Variants in CSTF1 observed in about 807,000 individuals in gnomAD.
CSTF1 encodes the protein CF-1 50 kDa subunit.
In CSTF1, 2 loss-of-function variants were observed where a neutral mutation model predicts 40.9. That is an observed-to-expected ratio of 0.05 (90% CI 0.02 to 0.15). CSTF1 has a LOEUF of 0.15. Ranked by LOEUF, CSTF1 falls within the 10% of genes least tolerant of loss-of-function variation. The probability of loss-of-function intolerance (pLI) is 1.00; values close to 1 mark genes in which losing one functional copy is unlikely to be tolerated. For synonymous variants in CSTF1, 218 were observed against 207.2 expected, an observed-to-expected ratio of 1.05 and a Z score of -0.45; for missense variants, 279 against 558.9, an observed-to-expected ratio of 0.50 and a Z score of 5.05.
rs1978655305 is a variant in CSTF1, at chr20:56,405,230, GA to G, written c.*1504del. Reference sequence around the variant, plus strand: ...TTTTGTTTGTTTTGTTTTTGAGACGGAGTTTCGCTCTTGTCCCCCAGGCTTT... The same window carrying G: ...TTTTGTTTGTTTTGTTTTTGAGACGGGTTTCGCTCTTGTCCCCCAGGCTTT... On this transcript the variant is annotated 3_prime_UTR_variant, in exon 6 of 6. Transcript: ENST00000217109. 1 of 152,096 alleles carries G rather than the reference GA, an allele frequency of 6.6e-6. No individual in the cohort carries two copies. Among genetic ancestry groups the G allele is most frequent in the African/African-American group, 2.4e-5 (1 of 41,392 alleles). 9.4% of individuals were successfully genotyped at this position (152,096 alleles called of 1,614,324 possible). A position where few individuals can be genotyped will look rare whatever the true frequency, so the allele number is the denominator to read the frequency against.
At chr20:56,402,491 G>T (rs1333963780) in intron 5 of CSTF1, among the ~76,000 whole-genome samples, 2 of 152,082 alleles carry the variant, frequency 1.3e-5, no homozygotes, top group Non-Finnish European at 2.9e-5. Flanking sequence ...GTCATAAAAA[G>T]GCTTCCTTTT....
At position 56,403,476 on chromosome 20, in the gene CSTF1, T is replaced by C; in HGVS notation, c.1045T>C (p.Leu349=). Residue 349 remains leucine, a synonymous_variant, in exon 6 of 6, where the codon TTA becomes CTA. Coordinates refer to ENST00000217109, the MANE Select transcript of CSTF1 (RefSeq NM_001324.3). ...CTTGCTCTCTGTGGCAGGCGCGGGT[T>C]TAAGTGGACGCCAGGTGCACCGGAC... ...RTLVRYTGAG[L]SGRQVHRTQA... 1 of 1,614,076 alleles carries C rather than the reference T, an allele frequency of 6.2e-7. No homozygotes were observed.
rs903021479 is a variant in CSTF1, at chr20:56,405,028, C to T, written c.*1301C>T. 2.6e-4 allele frequency: 40 copies of T among 151,656 alleles called. No individual in the cohort carries two copies. Among genetic ancestry groups the T allele is most frequent in the African/African-American group, 9.7e-4 (40 of 41,172 alleles). 9.4% of individuals were successfully genotyped at this position (151,656 alleles called of 1,614,324 possible). A position where few individuals can be genotyped will look rare whatever the true frequency, so the allele number is the denominator to read the frequency against. ...ATTCAGCACTAGCAGAGTCAGAGAACTCTGAACTCCCCTTGTACAAACATA... is the reference window on the plus strand; with the variant it reads ...ATTCAGCACTAGCAGAGTCAGAGAATTCTGAACTCCCCTTGTACAAACATA... On this transcript the variant is annotated 3_prime_UTR_variant, in exon 6 of 6. Coordinates refer to ENST00000217109, the MANE Select transcript of CSTF1 (RefSeq NM_001324.3).
Position 56,403,755 on chromosome 20 carries a change from G to A in CSTF1, c.*28G>A, listed in dbSNP as rs201838541. 277 of 1,589,834 alleles carry A rather than the reference G, an allele frequency of 1.7e-4. No homozygotes were observed. The African/African-American group carries it at 2.5e-3, about 14-fold the overall frequency. Reference sequence around the variant, plus strand: ...CACCCTCTCCGTAGGGTTCTTTCTCGAGGACTCTACCCTCCTCCCCCACGT... The same window carrying A: ...CACCCTCTCCGTAGGGTTCTTTCTCAAGGACTCTACCCTCCTCCCCCACGT... On this transcript the variant is annotated 3_prime_UTR_variant, in exon 6 of 6. Transcript: ENST00000217109.
In CSTF1 at chr20:56,404,525, TG is replaced by T. The variant is rs760216162; in HGVS notation, c.*800del. On this transcript the variant is annotated 3_prime_UTR_variant, in exon 6 of 6. Coordinates refer to ENST00000217109, the MANE Select transcript of CSTF1 (RefSeq NM_001324.3). ...AGTATCGATTGACCTCTTTCTTAGG[TG>T]GTTTTAAGTCTTCAGTTCTCGTCAG... 3.9e-5 allele frequency: 6 copies of T among 152,176 alleles called. No homozygotes were observed. The highest frequency in any genetic ancestry group is 7.4e-5 in the Non-Finnish European group (5 of 68,026). The allele number at this position is 152,176 out of a possible 1,614,324, so 9.4% of individuals were successfully genotyped here. A position where few individuals can be genotyped will look rare whatever the true frequency, so the allele number is the denominator to read the frequency against.
chr20:56,403,357 A>G, intron 5 of CSTF1, 111 bp from the exon 6 acceptor site: 7 of 1,257,614 alleles, frequency 5.6e-6, no homozygotes, highest in Non-Finnish European at 7.9e-6. Flanking sequence ...CTGAAAGTGT[A>G]CAAGGTGTAT....
rs148184670 is a variant in CSTF1 at position 56,403,822 on chromosome 20, C to T, written c.*95C>T. On this transcript the variant is annotated 3_prime_UTR_variant, in exon 6 of 6. Transcript: ENST00000217109. Reference sequence around the variant, plus strand: ...TCGTAAGTCCGTGCACCATCCTTGACGTTTTGCTGCCACCTCTGTCCACAT... The same window carrying T: ...TCGTAAGTCCGTGCACCATCCTTGATGTTTTGCTGCCACCTCTGTCCACAT... 8.3e-4 allele frequency: 1,031 copies of T among 1,243,238 alleles called. 10 individuals carry two copies. In the African/African-American group the frequency reaches 0.014, roughly 17 times the overall value. 77.0% of individuals were successfully genotyped at this position (1,243,238 alleles called of 1,614,324 possible).
chr20:56,402,810 C>T (rs1978518506), intron 5 of CSTF1, among the ~76,000 whole-genome samples: 1 of 151,916 alleles, frequency 6.6e-6, no homozygotes, highest in South Asian at 2.1e-4. Context: ...TGGTGTCCAC[C>T]TGTAGTCCCA....
rs764650599 is a variant in CSTF1 at position 56,395,628 on chromosome 20, G to A, written c.76G>A (p.Gly26Ser). ...GATCATTAGCCAGCTGCTATATGACGGCTACATCAGCATCGCCAATGGCCT... is the reference window on the plus strand; with the variant it reads ...GATCATTAGCCAGCTGCTATATGACAGCTACATCAGCATCGCCAATGGCCT... ...KLIISQLLYD[G>S]YISIANGLIN... The change falls in exon 2 of 6, where the codon GGC (glycine) becomes AGC (serine). Residue 26 changes from glycine (G) to serine (S), a missense_variant. This residue lies in a region of CSTF1 where 51 missense variants were observed against 55.0 expected (regional missense o/e 0.93). Transcript: ENST00000217109. The A allele has an allele frequency of 5.0e-6, 8 of 1,614,000 alleles. No homozygotes were observed. Among genetic ancestry groups the A allele is most frequent in the African/African-American group, 2.7e-5 (2 of 74,914 alleles).
intron 5 of CSTF1, 48 bp from the exon 6 acceptor site, chr20:56,403,420 G>C: frequency 6.2e-7 from 1 of 1,606,268 alleles, no homozygotes; most frequent in Non-Finnish European, 8.5e-7. Flanking sequence ...CGTTCTGAGG[G>C]TCTAAGATGT....
chr20:56,403,333 CTTT>C, intron 5 of CSTF1, 132 bp from the exon 6 acceptor site: 1 of 1,086,982 alleles, frequency 9.2e-7, no homozygotes, highest in South Asian at 1.5e-5. Context: ...CTTTTTTGTA[CTTT>C]TTTAGAGTTT....
At chr20:56,402,913 G>A (rs1382974330) in intron 5 of CSTF1, among the ~76,000 whole-genome samples, 3 of 148,612 alleles carry the variant, frequency 2.0e-5, no homozygotes, top group African/African-American at 7.5e-5. Flanking sequence ...CCAGCCTGGC[G>A]ACAGAGTGAG....
At position 56,397,149 on chromosome 20, in the gene CSTF1, T is replaced by C. The variant is rs866136976; in HGVS notation, c.170-58T>C. ...CCAGTTTGGATCTAGAATTTTATCT[T>C]GGCCTTTTTAAGAAAAAACACTTGT... On this transcript the variant is annotated intron_variant, in intron 2 of 5. Coordinates refer to ENST00000217109, the MANE Select transcript of CSTF1 (RefSeq NM_001324.3). This position sits in a 1 kb window ranked among gnomAD's most constrained non-coding sequence, Gnocchi z 4.4. The C allele has an allele frequency of 2.3e-5, 36 of 1,551,466 alleles. No homozygotes were observed. Among genetic ancestry groups the C allele is most frequent in the Middle Eastern group, 3.5e-4 (2 of 5,738 alleles).
At position 56,403,941 on chromosome 20, in the gene CSTF1, C is replaced by G. The variant is rs115138879; in HGVS notation, c.*214C>G. 3.0e-3 allele frequency: 1,600 copies of G among 541,572 alleles called. 18 individuals carry two copies. Among genetic ancestry groups the G allele is most frequent in the African/African-American group, 0.027 (1,446 of 53,358 alleles). The allele number at this position is 541,572 out of a possible 1,614,324, so 33.5% of individuals were successfully genotyped here. A position where few individuals can be genotyped will look rare whatever the true frequency, so the allele number is the denominator to read the frequency against. On this transcript the variant is annotated 3_prime_UTR_variant, in exon 6 of 6. Transcript: ENST00000217109. ...ACACAGATCTGTGCAGTTCTACATT[C>G]ACTGATTATTACAGTGTGATTTTCA...
At chr20:56,401,290 AGG>A (rs1444432829) in intron 5 of CSTF1, among the ~76,000 whole-genome samples, 1 of 150,916 alleles carries the variant, frequency 6.6e-6, no homozygotes, top group African/African-American at 2.5e-5. Context: ...GCCAAAGGAC[AGG>A]GGGCTGCAGA....
chr20:56,393,829 A>G (rs1346543274), intron 1 of CSTF1, among the ~76,000 whole-genome samples: 1 of 152,108 alleles, frequency 6.6e-6, no homozygotes. Flanking sequence ...CAATTGAGGT[A>G]TTTTTGGAGG....
intron 5 of CSTF1, among the ~76,000 whole-genome samples, chr20:56,402,320 AAAG>A (rs1174074931): frequency 7.1e-5 from 10 of 140,454 alleles, no homozygotes; most frequent in Admixed American, 1.5e-4. Flanking sequence ...AAAAAAAAAA[AAAG>A]AGAGAATTTA....
intron 1 of CSTF1, among the ~76,000 whole-genome samples, chr20:56,394,768 G>GT (rs781546081): frequency 9.7e-4 from 148 of 152,258 alleles, no homozygotes; most frequent in Non-Finnish European, 1.2e-3. Context: ...ACCATTTACA[G>GT]TTTTTTGTCT....
rs371301023 is a variant in CSTF1 at position 56,398,355 on chromosome 20, GC to G, written c.645+517del. Reference sequence around the variant, plus strand: ...AAGCCAAAGTGGGAGGATCACTTGAGCCCAGAAGTTTATGGTCAGCCTGAGC... The same window carrying G: ...AAGCCAAAGTGGGAGGATCACTTGAGCCAGAAGTTTATGGTCAGCCTGAGC... On this transcript the variant is annotated intron_variant, in intron 4 of 5. Transcript: ENST00000217109. Among the ~76,000 whole-genome samples, 189 of 152,226 alleles carry G rather than the reference GC, an allele frequency of 1.2e-3. 1 individual carries two copies. The highest frequency in any genetic ancestry group is 4.3e-3 in the African/African-American group (179 of 41,520).
Sources: allele counts gnomAD v4.1 joint callset (sites outside exome capture counted in the v4.1 genomes callset), GRCh38; gene constraint gnomAD v4.1.1; regional missense constraint gnomAD v4.1.1; non-coding constraint Gnocchi (gnomAD v3.1); transcripts MANE v1.5; gene names NCBI Gene and HGNC (gene_info 2026-07-23, HGNC 2026-07-21).